The following PCDH15 variants were observed in gnomAD, a reference collection of about 807,000 sequenced individuals.
PCDH15 encodes protocadherin-15.
Under a neutral mutation model 178.5 loss-of-function variants are expected in PCDH15, and 129 were observed. The observed-to-expected ratio is 0.72, with a 90% CI of 0.63 to 0.84. PCDH15 has a LOEUF of 0.84. Ranked by LOEUF, PCDH15 falls within the 40% of genes least tolerant of loss-of-function variation. The probability of loss-of-function intolerance (pLI) is 0.00; values close to 1 mark genes in which losing one functional copy is unlikely to be tolerated. For synonymous variants in PCDH15, 800 were observed against 732.0 expected, an observed-to-expected ratio of 1.09 and a Z score of -1.50; for missense variants, 2,230 against 2,099.9, an observed-to-expected ratio of 1.06 and a Z score of -1.21.
chr10:54,060,943 G>A (rs994066739), intron 18 of PCDH15, among the ~76,000 whole-genome samples: 26 of 152,142 alleles, frequency 1.7e-4, no homozygotes, highest in Non-Finnish European at 2.5e-4. Context: ...GTAAGTGGCT[G>A]GAAAGCTGGA....
At chr10:54,917,238 A>G (rs1837358868) in intron 2 of PCDH15, among the ~76,000 whole-genome samples, 2 of 152,190 alleles carry the variant, frequency 1.3e-5, no homozygotes, top group Non-Finnish European at 2.9e-5. Flanking sequence ...AAATTTATCA[A>G]TTTAGAAGAT....
chr10:54,934,172 T>G (rs999511706), intron 2 of PCDH15, among the ~76,000 whole-genome samples: 2 of 152,152 alleles, frequency 1.3e-5, no homozygotes, highest in Non-Finnish European at 2.9e-5. Flanking sequence ...GTGGGAATTT[T>G]TTTGTCCTAT....
At chr10:55,434,034 C>T (rs1838959690) in intron 2 of PCDH15, among the ~76,000 whole-genome samples, 1 of 148,580 alleles carries the variant, frequency 6.7e-6, no homozygotes, top group African/African-American at 2.5e-5. Context: ...TTTGATAAAT[C>T]ATAACATAAG....
chr10:54,660,664 G>A (rs915020852), intron 2 of PCDH15, among the ~76,000 whole-genome samples: 2 of 151,866 alleles, frequency 1.3e-5, no homozygotes, highest in African/African-American at 4.8e-5. Flanking sequence ...TACACACAAA[G>A]AAAACTACAG....
intron 1 of PCDH15, among the ~76,000 whole-genome samples, chr10:55,208,666 CT>C (rs1007722884): frequency 2.6e-5 from 4 of 152,016 alleles, no homozygotes; most frequent in South Asian, 2.1e-4. Flanking sequence ...AAATCATACA[CT>C]TTTTTTGTCT....
chr10:54,587,906 C>G (rs973077577), intron 2 of PCDH15, among the ~76,000 whole-genome samples: 3 of 151,840 alleles, frequency 2.0e-5, no homozygotes, highest in Non-Finnish European at 4.4e-5. Flanking sequence ...TCTTTTATTC[C>G]CAGTGTAAAT....
Position 54,346,011 on chromosome 10 carries a change from A to T in PCDH15, c.594+354T>A, listed in dbSNP as rs374438190. 1.6e-4 allele frequency among the ~76,000 whole-genome samples: 24 copies of T among 152,176 alleles called. No individual in the cohort carries two copies. The South Asian group carries it at 5.0e-3, about 32-fold the overall frequency. On this transcript the variant is annotated intron_variant, in intron 6 of 37. Coordinates refer to ENST00000644397, the MANE Select transcript of PCDH15 (RefSeq NM_001384140.1). ...TGTGTGTTCTTGAGGTATAGCAACA[A>T]TATTGGTATTAATTTATGAGTTGCA... is the stretch of plus-strand genomic sequence containing the variant.
At chr10:55,364,033 G>A (rs1253494662) in intron 2 of PCDH15, among the ~76,000 whole-genome samples, 5 of 152,104 alleles carry the variant, frequency 3.3e-5, no homozygotes, top group African/African-American at 9.7e-5. Flanking sequence ...AAACATGGGG[G>A]TGGTTTCCCC....
At chr10:54,430,076 G>C (rs965614763) in intron 3 of PCDH15, among the ~76,000 whole-genome samples, 1 of 98,362 alleles carries the variant, frequency 1.0e-5, no homozygotes, top group African/African-American at 4.0e-5. Context: ...TTTTTTTAAA[G>C]ACAGAGCCTG....
At chr10:55,442,498 T>TATTATATATATATA (rs1839220286) in intron 2 of PCDH15, among the ~76,000 whole-genome samples, 1 of 139,610 alleles carries the variant, frequency 7.2e-6, no homozygotes, top group East Asian at 2.1e-4. Context: ...TATATATATA[T>TATTATATATATATA]ATGTAAGCTG....
At chr10:54,753,504 C>A (rs1468990805) in intron 1 of PCDH15, among the ~76,000 whole-genome samples, 1 of 151,464 alleles carries the variant, frequency 6.6e-6, no homozygotes, top group African/African-American at 2.4e-5. Context: ...TAAAAACAAA[C>A]AAACAAACAA....
intron 28 of PCDH15, among the ~76,000 whole-genome samples, chr10:53,856,519 G>A (rs2133029169): frequency 6.6e-6 from 1 of 152,130 alleles, no homozygotes; most frequent in South Asian, 2.1e-4. Context: ...TAGGCATTTA[G>A]ACACATTGCT....
At chr10:54,979,800 T>C (rs1237614971) in intron 2 of PCDH15, among the ~76,000 whole-genome samples, 2 of 117,928 alleles carry the variant, frequency 1.7e-5, no homozygotes, top group Non-Finnish European at 3.5e-5. Context: ...CTAAATATTA[T>C]TTGGCCATAT....
chr10:53,935,980 T>C (rs945557674), intron 25 of PCDH15, among the ~76,000 whole-genome samples: 27 of 152,198 alleles, frequency 1.8e-4, no homozygotes, highest in Admixed American at 1.5e-3. Context: ...ATATCACCTA[T>C]GATTTATTTG....
intron 17 of PCDH15, 95 bp from the exon 18 acceptor site, chr10:54,066,980 AT>A: frequency 7.9e-7 from 1 of 1,269,988 alleles, no homozygotes; most frequent in Non-Finnish European, 1.1e-6. Flanking sequence ...TCTGAAAAGC[AT>A]CTCATTTTTC....
At chr10:54,033,395 A>G (rs934929544) in intron 18 of PCDH15, among the ~76,000 whole-genome samples, 3 of 151,886 alleles carry the variant, frequency 2.0e-5, no homozygotes, top group African/African-American at 4.8e-5. Context: ...CTTGTCTCCC[A>G]AAACCTGATT....
chr10:54,627,400 C>T (rs533359748), intron 2 of PCDH15, among the ~76,000 whole-genome samples: 5 of 152,070 alleles, frequency 3.3e-5, no homozygotes, highest in Non-Finnish European at 5.9e-5. Context: ...GCAGATCTTT[C>T]CCGTACTGTT....
chr10:53,836,763 A>G (rs556581823), intron 29 of PCDH15, among the ~76,000 whole-genome samples: 1 of 152,244 alleles, frequency 6.6e-6, no homozygotes, highest in Non-Finnish European at 1.5e-5. Context: ...ACAAAATATA[A>G]AACAACCATT....
intron 2 of PCDH15, among the ~76,000 whole-genome samples, chr10:55,163,092 T>C (rs535753556): frequency 2.6e-5 from 4 of 152,194 alleles, no homozygotes; most frequent in African/African-American, 7.2e-5. Context: ...CCACACCTTA[T>C]CAACCAATCA....
Sources: allele counts gnomAD v4.1 joint callset (sites outside exome capture counted in the v4.1 genomes callset), GRCh38; gene constraint gnomAD v4.1.1; transcripts MANE v1.5; gene names NCBI Gene and HGNC (gene_info 2026-07-23, HGNC 2026-07-21).